ZFHX3: variants seen among roughly 807,000 people sequenced by gnomAD.
ZFHX3 encodes zinc finger homeobox 3, also known as zinc finger homeobox protein 3.
ZFHX3 carries 42 observed loss-of-function variants against 279.1 expected under a neutral mutation model. That is an observed-to-expected ratio of 0.15 (90% CI 0.12 to 0.19). ZFHX3 has a LOEUF of 0.19. ZFHX3 is among the 10% of genes least tolerant of loss of function. The pLI, the probability that ZFHX3 is intolerant of heterozygous loss-of-function variation, is 1.00. For missense variants in ZFHX3, 4,981 were observed against 4,754.0 expected (o/e 1.05, Z -1.40); for synonymous variants, 2,293 against 1,957.8 (o/e 1.17, Z -4.52).
At chr16:72,954,538 T>C (rs1259947457) in intron 2 of ZFHX3, among the ~76,000 whole-genome samples, 1 of 152,058 alleles carries the variant, frequency 6.6e-6, no homozygotes, top group East Asian at 1.9e-4. Context: ...GGAAGGTGCA[T>C]GGATTCAAAG....
chr16:73,594,065 A>C (rs2052025126), intron 2 of ZFHX3, among the ~76,000 whole-genome samples: 1 of 152,196 alleles, frequency 6.6e-6, no homozygotes, highest in South Asian at 2.1e-4. Context: ...GAAAGGTAAA[A>C]ATGATTGAGA....
At chr16:73,429,292 C>T (rs1345875568) in intron 3 of ZFHX3, among the ~76,000 whole-genome samples, 2 of 152,150 alleles carry the variant, frequency 1.3e-5, no homozygotes, top group Non-Finnish European at 2.9e-5. Flanking sequence ...AGCTGCTACT[C>T]ACCTCCTATC....
In ZFHX3 at chr16:73,244,446, C is replaced by T. The variant is rs576551669; in HGVS notation, c.-1104+12601G>A. Among the ~76,000 whole-genome samples the T allele has an allele frequency of 2.0e-4, 30 of 152,248 alleles. No individual in the cohort carries two copies. The South Asian group carries it at 3.7e-3, about 19-fold the overall frequency. Reference sequence around the variant, plus strand: ...GAATGATTTTCACACAAAGCCTCTTCGAGGGACAGGACATGGGGGCCAGAA... The same window carrying T: ...GAATGATTTTCACACAAAGCCTCTTTGAGGGACAGGACATGGGGGCCAGAA... On this transcript the variant is annotated intron_variant, in intron 5 of 17. Transcript: ENST00000641206.
rs191812632 is a variant in ZFHX3 at position 73,549,071 on chromosome 16, G to A, written c.-1546-92813C>T. Among the ~76,000 whole-genome samples, 7 of 152,260 alleles carry A rather than the reference G, an allele frequency of 4.6e-5. No homozygotes were observed. In the East Asian group the frequency reaches 1.3e-3, roughly 29 times the overall value. On this transcript the variant is annotated intron_variant, in intron 2 of 17. Transcript: ENST00000641206. ...ATTTAGGAATTGTTCACAAGGTGATGCTTTGAGATTAAATTTTCTTTTGAT... is the reference window on the plus strand; with the variant it reads ...ATTTAGGAATTGTTCACAAGGTGATACTTTGAGATTAAATTTTCTTTTGAT...
intron 1 of ZFHX3, among the ~76,000 whole-genome samples, chr16:73,019,183 G>A (rs988724684): frequency 3.3e-5 from 5 of 152,196 alleles, no homozygotes; most frequent in East Asian, 3.8e-4. Flanking sequence ...TGGCCAGTTC[G>A]TTTCAGAAAG....
At chr16:72,854,358 C>T (rs1415878356) in intron 4 of ZFHX3, among the ~76,000 whole-genome samples, 1 of 152,128 alleles carries the variant, frequency 6.6e-6, no homozygotes. Flanking sequence ...CGGTTGTGTG[C>T]GAGTCTCTCC....
chr16:73,864,664 G>A (rs1236240310), intron 1 of ZFHX3, among the ~76,000 whole-genome samples: 2 of 152,138 alleles, frequency 1.3e-5, no homozygotes, highest in African/African-American at 4.8e-5. Context: ...AGGTTGCAGT[G>A]AGCCAAGATC....
chr16:73,121,618 CTT>C (rs35251426), intron 7 of ZFHX3, among the ~76,000 whole-genome samples: 20 of 140,210 alleles, frequency 1.4e-4, no homozygotes, highest in Non-Finnish European at 2.0e-4. Context: ...TTGCAGCTTT[CTT>C]TTTTTTTTTT....
At chr16:73,733,898 T>C (rs1331080102) in intron 1 of ZFHX3, among the ~76,000 whole-genome samples, 2 of 152,162 alleles carry the variant, frequency 1.3e-5, no homozygotes, top group African/African-American at 4.8e-5. Context: ...CAAAATTTTG[T>C]TTTGAAATTC....
intron 2 of ZFHX3, among the ~76,000 whole-genome samples, chr16:73,479,663 T>C (rs1862778): frequency 0.86 from 131,272 of 152,198 alleles, 56,908 homozygotes; most frequent in East Asian, 0.99. Context: ...TCATCCTGTG[T>C]CACCATGCCT....
chr16:73,143,216 C>T (rs1327532077), intron 6 of ZFHX3, among the ~76,000 whole-genome samples: 1 of 151,998 alleles, frequency 6.6e-6, no homozygotes, highest in African/African-American at 2.4e-5. Context: ...AGAAATAGCT[C>T]TCATAGCCTA....
chr16:73,384,162 A>G (rs2016860574), intron 3 of ZFHX3, among the ~76,000 whole-genome samples: 1 of 152,232 alleles, frequency 6.6e-6, no homozygotes, highest in Non-Finnish European at 1.5e-5. Flanking sequence ...CTGCAGCCCA[A>G]GGACCAAATC....
At position 72,796,557 on chromosome 16, in the gene ZFHX3, G is replaced by A. The variant is rs2143435749; in HGVS notation, c.6125C>T (p.Pro2042Leu). 10 of 1,611,308 alleles carry A rather than the reference G, an allele frequency of 6.2e-6. No individual in the cohort carries two copies. Among genetic ancestry groups the A allele is most frequent in the Non-Finnish European group, 8.5e-6 (10 of 1,179,696 alleles). The part of the protein sequence containing the change: ...LRPQTPEPPP[P>L]PPPPPPPPLP... The stretch of plus-strand genomic sequence containing the variant: ...TGGGGGTGGAGGGGGTGGAGGGGGA[G>A]GTGGTGGTGGCTCTGGGGTCTGGGG... Residue 2042 changes from proline to leucine, a missense_variant, in exon 9 of 10, where the codon CCT (proline) becomes CTT (leucine). Coordinates refer to ENST00000268489, the MANE Select transcript of ZFHX3 (RefSeq NM_006885.4).
intron 1 of ZFHX3, among the ~76,000 whole-genome samples, chr16:72,993,453 A>G (rs1963166744): frequency 6.6e-6 from 1 of 152,290 alleles, no homozygotes; most frequent in Non-Finnish European, 1.5e-5. Flanking sequence ...CCCCATTGAG[A>G]AATAAAGATG....
At chr16:73,724,569 A>G (rs897833365) in intron 1 of ZFHX3, among the ~76,000 whole-genome samples, 5 of 152,128 alleles carry the variant, frequency 3.3e-5, no homozygotes, top group African/African-American at 1.2e-4. Flanking sequence ...TAGGCATTTG[A>G]GTTTGGTACC....
intron 2 of ZFHX3, among the ~76,000 whole-genome samples, chr16:73,488,410 G>T (rs577897808): frequency 1.2e-4 from 18 of 152,324 alleles, no homozygotes; most frequent in Admixed American, 7.8e-4. Flanking sequence ...GAGAATAGCA[G>T]AGCCCACATC....
rs34324522 is a variant in ZFHX3 at position 73,866,169 on chromosome 16, A to ATTTT, written c.-1608+25478_-1608+25481dup. Among the ~76,000 whole-genome samples, 419 of 74,640 alleles carry ATTTT rather than the reference A, an allele frequency of 5.6e-3. 35 individuals are homozygous for ATTTT. Among genetic ancestry groups the ATTTT allele is most frequent in the African/African-American group, 0.017 (355 of 20,652 alleles). The allele number at this position is 74,640 out of a possible 152,430, so 49.0% of individuals were successfully genotyped here. A position where few individuals can be genotyped will look rare whatever the true frequency, so the allele number is the denominator to read the frequency against. On this transcript the variant is annotated intron_variant, in intron 1 of 17. Transcript: ENST00000641206. ...AGGTGCACACCACTATGCCAGGCTA[A>ATTTT]TTTTTTTTTTTTTTTTTTTTTTTTT...
intron 2 of ZFHX3, among the ~76,000 whole-genome samples, chr16:73,672,922 A>T (rs886854361): frequency 2.6e-5 from 4 of 152,200 alleles, no homozygotes. Context: ...TTACAAAAAC[A>T]TGATACATTT....
chr16:73,032,303 A>G (rs1219470890), intron 1 of ZFHX3, among the ~76,000 whole-genome samples: 1 of 152,186 alleles, frequency 6.6e-6, no homozygotes, highest in Non-Finnish European at 1.5e-5. Context: ...CCCTGTCTCA[A>G]AAAACACAAA....
Sources: gnomAD v4.1 joint callset for allele counts (sites outside exome capture counted in the v4.1 genomes callset) on GRCh38, gnomAD v4.1.1 for gene constraint, MANE v1.5 for transcripts, NCBI Gene and HGNC (gene_info 2026-07-23, HGNC 2026-07-21) for gene names.